ZFAT: variants seen among roughly 807,000 people sequenced by gnomAD.
ZFAT encodes zinc finger protein ZFAT.
A neutral mutation model predicts 117.7 loss-of-function variants in ZFAT; 64 were observed. The ratio of observed to expected loss-of-function variants is 0.54; its 90% CI spans 0.44 to 0.67. The LOEUF (loss-of-function observed/expected upper bound fraction) is 0.67, where lower values mean the gene tolerates loss of function less well. ZFAT is among the 30% of genes least tolerant of loss of function. The pLI is 0.00. For missense variants in ZFAT, 1,433 were observed against 1,584.5 expected (o/e 0.90, Z 1.62); for synonymous variants, 679 against 615.0 (o/e 1.10, Z -1.54).
intron 2 of ZFAT, among the ~76,000 whole-genome samples, chr8:134,649,617 AAGAAT>A (rs2131166152): frequency 6.6e-6 from 1 of 152,380 alleles, no homozygotes; most frequent in East Asian, 1.9e-4. Context: ...TAGCATCGAA[AAGAAT>A]AGAATACTTA....
the ZFAT span, among the ~76,000 whole-genome samples, chr8:134,769,486 A>G: frequency 6.6e-6 from 1 of 152,336 alleles, no homozygotes; most frequent in East Asian, 1.9e-4. Flanking sequence ...GGTCTTGGGC[A>G]GCTCCACCCC....
At chr8:134,775,309 T>C in the ZFAT span, among the ~76,000 whole-genome samples, 78 of 152,354 alleles carry the variant, frequency 5.1e-4, no homozygotes, top group African/African-American at 1.8e-3. Flanking sequence ...AAAATTTATT[T>C]GTAGAAATAA....
In ZFAT at chr8:134,652,968, T is replaced by C. The variant is rs1001113587; in HGVS notation, c.196+4593A>G. Among the ~76,000 whole-genome samples, 4 of 152,242 alleles carry C rather than the reference T, an allele frequency of 2.6e-5. No individual in the cohort carries two copies. In the East Asian group the frequency reaches 5.8e-4, roughly 22 times the overall value. Reference sequence around the variant, plus strand: ...ACAATGATATTCATGACAACATTTATTGTAACATTATTTATAATAGCACAA... The same window carrying C: ...ACAATGATATTCATGACAACATTTACTGTAACATTATTTATAATAGCACAA... On this transcript the variant is annotated intron_variant, in intron 2 of 15. Transcript: ENST00000377838.
chr8:134,602,534 C>A lies in ZFAT; in HGVS notation c.1185G>T (p.Thr395=). 6.2e-7 allele frequency: 1 copy of A among 1,614,022 alleles called. No individual in the cohort carries two copies. The highest frequency in any genetic ancestry group is 1.3e-5 in the African/African-American group (1 of 75,072). ...AGAGCAGCTGCCGCTTGCCCTCCCT[C>A]GTCATCAGGCAGAGCTCGTCCAAGG... is the stretch of plus-strand genomic sequence containing the variant. ...KEALDELCLM[T]REGKRQLLYD... Residue 395 remains threonine, a synonymous_variant, in exon 6 of 16, where the codon ACG becomes ACT. Coordinates refer to ENST00000377838, the MANE Select transcript of ZFAT (RefSeq NM_020863.4).
the ZFAT span, among the ~76,000 whole-genome samples, chr8:134,748,892 AT>A: frequency 1.7e-4 from 26 of 151,384 alleles, no homozygotes; most frequent in African/African-American, 5.8e-4. Flanking sequence ...GTCTTTGCCT[AT>A]TTTTTTTCCT....
the ZFAT span, among the ~76,000 whole-genome samples, chr8:134,750,468 CCCTCCAGTACAACATTGACTAG>C: frequency 6.6e-6 from 1 of 152,082 alleles, no homozygotes; most frequent in African/African-American, 2.4e-5. Flanking sequence ...ACTGGATAGG[CCCTCCAGTACAACATTGACTAG>C]AAGTACAGAC....
At chr8:134,616,027 G>A (rs1828704568) in intron 3 of ZFAT, among the ~76,000 whole-genome samples, 1 of 152,188 alleles carries the variant, frequency 6.6e-6, no homozygotes, top group South Asian at 2.1e-4. Flanking sequence ...CCAGTATGTG[G>A]GGGGTGGGAG....
At chr8:134,725,851 G>T in the ZFAT span, among the ~76,000 whole-genome samples, 2 of 152,158 alleles carry the variant, frequency 1.3e-5, no homozygotes, top group East Asian at 1.9e-4. Flanking sequence ...AAGCCAGGCT[G>T]GGTTGGGAAA....
chr8:134,568,628 G>T (rs1824652299), intron 10 of ZFAT, among the ~76,000 whole-genome samples: 1 of 152,194 alleles, frequency 6.6e-6, no homozygotes, highest in Non-Finnish European at 1.5e-5. Flanking sequence ...TTGAAATCAA[G>T]AGTCAGCCTT....
At chr8:134,494,315 C>T (rs1818269779) in intron 15 of ZFAT, among the ~76,000 whole-genome samples, 1 of 152,240 alleles carries the variant, frequency 6.6e-6, no homozygotes, top group Non-Finnish European at 1.5e-5. Flanking sequence ...ACCCCCGTGA[C>T]CATCCTTGCA....
At chr8:134,579,019 T>C (rs559274070) in intron 10 of ZFAT, among the ~76,000 whole-genome samples, 1 of 152,322 alleles carries the variant, frequency 6.6e-6, no homozygotes, top group African/African-American at 2.4e-5. Flanking sequence ...AAGAGAAAAC[T>C]GGATGTGGCA....
chr8:134,735,882 G>A, the ZFAT span, among the ~76,000 whole-genome samples: 2 of 151,986 alleles, frequency 1.3e-5, no homozygotes, highest in Admixed American at 6.6e-5. Context: ...CACAAGTTGG[G>A]ATTTTTTAGA....
chr8:134,702,815 G>A (rs1210034510), intron 1 of ZFAT, among the ~76,000 whole-genome samples: 1 of 152,048 alleles, frequency 6.6e-6, no homozygotes, highest in Non-Finnish European at 1.5e-5. Flanking sequence ...GGGACTACAG[G>A]CACCCACCAC....
intron 1 of ZFAT, among the ~76,000 whole-genome samples, chr8:134,695,836 G>A (rs1192116412): frequency 1.4e-5 from 2 of 147,498 alleles, no homozygotes; most frequent in African/African-American, 5.0e-5. Context: ...TAATCAAGGA[G>A]GCGCCACCCC....
intron 15 of ZFAT, among the ~76,000 whole-genome samples, chr8:134,489,395 T>A (rs890833120): frequency 2.6e-5 from 4 of 152,062 alleles, no homozygotes; most frequent in Admixed American, 6.5e-5. Context: ...GCCTGCTCTC[T>A]TCCAGAGTGC....
the ZFAT span, among the ~76,000 whole-genome samples, chr8:134,823,931 G>A: frequency 4.6e-5 from 7 of 152,154 alleles, no homozygotes; most frequent in Non-Finnish European, 1.0e-4. Context: ...CTTTTGCACA[G>A]AACTAGATCT....
chr8:134,827,574 C>G, the ZFAT span, among the ~76,000 whole-genome samples: 1 of 151,924 alleles, frequency 6.6e-6, no homozygotes, highest in Non-Finnish European at 1.5e-5. Context: ...TTGAGACCAG[C>G]CTGGCCAACA....
At chr8:134,684,328 A>C (rs896542932) in intron 1 of ZFAT, among the ~76,000 whole-genome samples, 7 of 152,210 alleles carry the variant, frequency 4.6e-5, no homozygotes, top group African/African-American at 1.7e-4. Flanking sequence ...AATCCAAGAA[A>C]AATTAAATTT....
chr8:134,740,717 A>G, the ZFAT span, among the ~76,000 whole-genome samples: 106 of 152,200 alleles, frequency 7.0e-4, no homozygotes, highest in African/African-American at 2.3e-3. Flanking sequence ...CTTTGGAAGG[A>G]CCTCTGGCCT....
Sources: allele counts gnomAD v4.1 joint callset (sites outside exome capture counted in the v4.1 genomes callset), GRCh38; gene constraint gnomAD v4.1.1; transcripts MANE v1.5; gene names NCBI Gene and HGNC (gene_info 2026-07-23, HGNC 2026-07-21).